Variants in GATAD2B observed in about 807,000 individuals in gnomAD.
GATAD2B encodes the protein transcriptional repressor p66-beta.
GATAD2B carries 8 observed loss-of-function variants against 64.3 expected under a neutral mutation model. The ratio of observed to expected loss-of-function variants is 0.12; its 90% CI spans 0.07 to 0.22. GATAD2B has a LOEUF of 0.22. Ranked by LOEUF, GATAD2B falls within the 10% of genes least tolerant of loss-of-function variation. The probability of loss-of-function intolerance (pLI) is 1.00; values close to 1 mark genes in which losing one functional copy is unlikely to be tolerated. For synonymous variants in GATAD2B, 281 were observed against 271.3 expected, an observed-to-expected ratio of 1.04 and a Z score of -0.35; for missense variants, 453 against 752.0, an observed-to-expected ratio of 0.60 and a Z score of 4.65.
At position 153,922,878 on chromosome 1, in the gene GATAD2B, GGGGC is replaced by G; in HGVS notation, c.-151_-148del. 1 of 116,910 alleles carries G rather than the reference GGGGC, an allele frequency of 8.6e-6. No individual in the cohort carries two copies. Among genetic ancestry groups the G allele is most frequent in the Non-Finnish European group, 1.9e-5 (1 of 53,516 alleles). 7.2% of individuals were successfully genotyped at this position (116,910 alleles called of 1,614,324 possible). A position where few individuals can be genotyped will look rare whatever the true frequency, so the allele number is the denominator to read the frequency against. ...GTAGGGGAGGGGGGCGGGCCGGACCGGGGCGGGCGGGCGGAGCAGACACTGCGGT... is the reference window on the plus strand; with the variant it reads ...GTAGGGGAGGGGGGCGGGCCGGACCGGGGCGGGCGGAGCAGACACTGCGGT... On this transcript the variant is annotated 5_prime_UTR_variant, in exon 1 of 11. Coordinates refer to ENST00000368655, the MANE Select transcript of GATAD2B (RefSeq NM_020699.4).
chr1:153,816,792 G>A lies in GATAD2B; in HGVS notation c.901-204C>T, dbSNP rs567887263. Among the ~76,000 whole-genome samples, 1 of 152,178 alleles carries A rather than the reference G, an allele frequency of 6.6e-6. No homozygotes were observed. Among genetic ancestry groups the A allele is most frequent in the African/African-American group, 2.4e-5 (1 of 41,454 alleles). ...TGACCATGAGCTAACATTGCTAAGA[G>A]AGAAATAAAGGCCACGCGTGGTGGC... On this transcript the variant is annotated intron_variant, in intron 6 of 10. Coordinates refer to ENST00000368655, the MANE Select transcript of GATAD2B (RefSeq NM_020699.4). This position sits in a 1 kb window ranked among gnomAD's most constrained non-coding sequence, Gnocchi z 4.9.
chr1:153,913,437 T>C (rs1340322871), intron 1 of GATAD2B, among the ~76,000 whole-genome samples: 1 of 152,170 alleles, frequency 6.6e-6, no homozygotes, highest in East Asian at 1.9e-4. Context: ...TTTCTGCTCA[T>C]TAACAAAATT....
At chr1:153,811,704 A>G (rs1403916600) in intron 10 of GATAD2B, 27 bp downstream of exon 10, 1 of 1,377,854 alleles carries the variant, frequency 7.3e-7, no homozygotes, top group East Asian at 2.3e-5. Flanking sequence ...GACCCATGAG[A>G]AACATTTTCA....
chr1:153,828,461 C>A, intron 1 of GATAD2B, 113 bp from the exon 2 acceptor site: 1 of 205,358 alleles, frequency 4.9e-6, no homozygotes, highest in Non-Finnish European at 1.2e-5. Context: ...CACATACACA[C>A]ACACACACAC....
In GATAD2B at chr1:153,809,927, T is replaced by C; in HGVS notation, c.*250A>G. On this transcript the variant is annotated 3_prime_UTR_variant, in exon 11 of 11. Coordinates refer to ENST00000368655, the MANE Select transcript of GATAD2B (RefSeq NM_020699.4). Reference sequence around the variant, plus strand: ...TATCAGAGGTAAAGATCCACCTCACTGTTAAAGAAAACTGAAGAGAGAAGA... The same window carrying C: ...TATCAGAGGTAAAGATCCACCTCACCGTTAAAGAAAACTGAAGAGAGAAGA... 5 of 395,134 alleles carry C rather than the reference T, an allele frequency of 1.3e-5. No individual in the cohort carries two copies. The highest frequency in any genetic ancestry group is 5.0e-5 in the East Asian group (1 of 19,842). The allele number at this position is 395,134 out of a possible 1,614,324, so 24.5% of individuals were successfully genotyped here.
intron 1 of GATAD2B, among the ~76,000 whole-genome samples, chr1:153,903,115 G>C (rs1677828524): frequency 6.6e-6 from 1 of 152,084 alleles, no homozygotes; most frequent in African/African-American, 2.4e-5. Flanking sequence ...CTACTCGGGA[G>C]GCTGAGGCAG....
At chr1:153,811,012 G>A (rs1299099476) in intron 10 of GATAD2B, among the ~76,000 whole-genome samples, 2 of 152,082 alleles carry the variant, frequency 1.3e-5, no homozygotes, top group East Asian at 3.9e-4. Context: ...TAATCCACTC[G>A]CTTTGGCCTC....
At chr1:153,823,235 G>A (rs946248671) in intron 2 of GATAD2B, among the ~76,000 whole-genome samples, 3 of 152,140 alleles carry the variant, frequency 2.0e-5, no homozygotes, top group Non-Finnish European at 4.4e-5. Flanking sequence ...CTATTAGAGA[G>A]ATATTATTAA....
At chr1:153,890,172 CAAAAAAAAAA>C (rs564018508) in intron 1 of GATAD2B, among the ~76,000 whole-genome samples, 2 of 66,536 alleles carry the variant, frequency 3.0e-5, no homozygotes, top group African/African-American at 1.2e-4. Flanking sequence ...AACTCTGTTT[CAAAAAAAAAA>C]AAAAGAAAAA....
intron 1 of GATAD2B, among the ~76,000 whole-genome samples, chr1:153,861,864 G>GTA (rs1396654032): frequency 9.1e-5 from 13 of 143,196 alleles, no homozygotes; most frequent in Non-Finnish European, 1.7e-4. Flanking sequence ...ATGTATATAT[G>GTA]TATATATATG....
intron 1 of GATAD2B, among the ~76,000 whole-genome samples, chr1:153,859,820 G>A (rs1365510256): frequency 6.6e-6 from 1 of 151,534 alleles, no homozygotes; most frequent in African/African-American, 2.4e-5. Context: ...TCCTAGTTTG[G>A]AGGGTAAATT....
rs541010103 is a variant in GATAD2B at position 153,817,331 on chromosome 1, G to A, written c.900+41C>T. On this transcript the variant is annotated intron_variant, in intron 6 of 10. Transcript: ENST00000368655. Reference sequence around the variant, plus strand: ...CTTTCGACAAGCAAAGCAAACAAAGGGATTTCTCTGTTTCCACATTAGGGC... The same window carrying A: ...CTTTCGACAAGCAAAGCAAACAAAGAGATTTCTCTGTTTCCACATTAGGGC... The A allele has an allele frequency of 2.1e-5, 31 of 1,455,562 alleles. No homozygotes were observed. The South Asian group carries it at 4.6e-4, about 21-fold the overall frequency. The allele number at this position is 1,455,562 out of a possible 1,614,324, so 90.2% of individuals were successfully genotyped here.
rs372293781 is a variant in GATAD2B at position 153,891,604 on chromosome 1, G to T, written c.-2+31129C>A. On this transcript the variant is annotated intron_variant, in intron 1 of 10. Transcript: ENST00000368655. ...AAAAAAAAAAAAAAAAAAAAGAGGT[G>T]GGGGGGAGAGGCAAAGGGAAGGAAA... 3.3e-3 allele frequency among the ~76,000 whole-genome samples: 355 copies of T among 106,266 alleles called. 1 individual carries two copies. Among genetic ancestry groups the T allele is most frequent in the African/African-American group, 6.2e-3 (183 of 29,430 alleles). The allele number at this position is 106,266 out of a possible 152,430, so 69.7% of individuals were successfully genotyped here. A position where few individuals can be genotyped will look rare whatever the true frequency, so the allele number is the denominator to read the frequency against.
intron 10 of GATAD2B, among the ~76,000 whole-genome samples, chr1:153,811,267 C>T (rs1465717152): frequency 2.0e-5 from 3 of 152,156 alleles, no homozygotes; most frequent in South Asian, 2.1e-4. Context: ...CCTGAAATTT[C>T]GGTCCTACCA....
intron 1 of GATAD2B, among the ~76,000 whole-genome samples, chr1:153,909,846 G>T (rs1318773373): frequency 6.6e-6 from 1 of 151,674 alleles, no homozygotes; most frequent in Non-Finnish European, 1.5e-5. Flanking sequence ...TACTTGGGAG[G>T]CTGAGGCAGG....
intron 1 of GATAD2B, among the ~76,000 whole-genome samples, chr1:153,843,319 T>C (rs776501352): frequency 6.6e-6 from 1 of 151,754 alleles, no homozygotes; most frequent in African/African-American, 2.4e-5. Flanking sequence ...GGTCTCACTA[T>C]GTTACCCAGG....
chr1:153,905,718 G>A (rs1677905579), intron 1 of GATAD2B, among the ~76,000 whole-genome samples: 1 of 146,876 alleles, frequency 6.8e-6, no homozygotes, highest in Non-Finnish European at 1.5e-5. Context: ...AACTGCTTGA[G>A]CCCAGGAGTT....
Position 153,806,448 on chromosome 1 carries a change from G to C in GATAD2B, c.*3729C>G, listed in dbSNP as rs1386400344. On this transcript the variant is annotated 3_prime_UTR_variant, in exon 11 of 11. Coordinates refer to ENST00000368655, the MANE Select transcript of GATAD2B (RefSeq NM_020699.4). Reference sequence around the variant, plus strand: ...GAGCAGCTGCCAGTCTCAGTGTGCTGGGCCCGGCCCACTCCCCTACCCACC... The same window carrying C: ...GAGCAGCTGCCAGTCTCAGTGTGCTCGGCCCGGCCCACTCCCCTACCCACC... 1 of 152,102 alleles carries C rather than the reference G, an allele frequency of 6.6e-6. No individual in the cohort carries two copies. The highest frequency in any genetic ancestry group is 1.5e-5 in the Non-Finnish European group (1 of 68,036). The allele number at this position is 152,102 out of a possible 1,614,324, so 9.4% of individuals were successfully genotyped here. A position where few individuals can be genotyped will look rare whatever the true frequency, so the allele number is the denominator to read the frequency against.
At chr1:153,916,017 C>T (rs1678254489) in intron 1 of GATAD2B, among the ~76,000 whole-genome samples, 1 of 152,096 alleles carries the variant, frequency 6.6e-6, no homozygotes, top group African/African-American at 2.4e-5. Flanking sequence ...CGGTGGCTCA[C>T]GCCTGTAATC....
Sources: gnomAD v4.1 joint callset for allele counts (sites outside exome capture counted in the v4.1 genomes callset) on GRCh38, gnomAD v4.1.1 for gene constraint, Gnocchi (gnomAD v3.1) non-coding constraint, MANE v1.5 for transcripts, NCBI Gene and HGNC (gene_info 2026-07-23, HGNC 2026-07-21) for gene names.